PTPRE: variants seen among roughly 807,000 people sequenced by gnomAD.
PTPRE encodes the protein receptor-type tyrosine-protein phosphatase epsilon.
Under a neutral mutation model 102.0 loss-of-function variants are expected in PTPRE, and 51 were observed. The observed-to-expected ratio is 0.50, with a 90% CI of 0.40 to 0.63. PTPRE has a LOEUF of 0.63. PTPRE is among the 30% of genes least tolerant of loss of function. The pLI is 0.00. For synonymous variants in PTPRE, 345 were observed against 348.2 expected, an observed-to-expected ratio of 0.99 and a Z score of 0.10; for missense variants, 752 against 915.1, an observed-to-expected ratio of 0.82 and a Z score of 2.30.
chr10:128,045,896 AGCCAGGCT>A (rs552118667), intron 3 of PTPRE, among the ~76,000 whole-genome samples: 143 of 152,294 alleles, frequency 9.4e-4, no homozygotes, highest in African/African-American at 3.2e-3. Flanking sequence ...TGCAGAGGAC[AGCCAGGCT>A]GCCAGGCTAC....
intron 2 of PTPRE, among the ~76,000 whole-genome samples, chr10:128,026,868 T>C (rs2135720032): frequency 6.6e-6 from 1 of 152,374 alleles, no homozygotes; most frequent in East Asian, 1.9e-4. Context: ...ATTCTTTAAA[T>C]CTTTCATCCA....
intron 6 of PTPRE, among the ~76,000 whole-genome samples, chr10:128,054,820 G>A (rs1313093461): frequency 6.6e-6 from 1 of 152,126 alleles, no homozygotes; most frequent in African/African-American, 2.4e-5. Flanking sequence ...GCCCAGGCCT[G>A]CACGGCTTGG....
intron 17 of PTPRE, among the ~76,000 whole-genome samples, chr10:128,075,994 C>CT (rs1213367422): frequency 6.6e-6 from 1 of 152,156 alleles, no homozygotes; most frequent in Non-Finnish European, 1.5e-5. Flanking sequence ...TGTGGCGTGT[C>CT]TTTTCACTCT....
chr10:128,030,253 A>C (rs1019779075), intron 2 of PTPRE, among the ~76,000 whole-genome samples: 12 of 152,224 alleles, frequency 7.9e-5, no homozygotes, highest in Admixed American at 7.2e-4. Flanking sequence ...CCGTTACAAT[A>C]ACCAGCCCTT....
At chr10:127,943,275 G>A (rs1848380597) in intron 1 of PTPRE, among the ~76,000 whole-genome samples, 1 of 152,172 alleles carries the variant, frequency 6.6e-6, no homozygotes, top group East Asian at 1.9e-4. Flanking sequence ...ATTGTTTCAA[G>A]ATGATTTTTA....
chr10:127,912,021 C>A (rs190693702), intron 1 of PTPRE, among the ~76,000 whole-genome samples: 1 of 152,200 alleles, frequency 6.6e-6, no homozygotes, highest in African/African-American at 2.4e-5. Context: ...CGGGGTCGTT[C>A]GCTGCTGGAT....
At chr10:128,043,215 T>C (rs1022176240) in intron 3 of PTPRE, among the ~76,000 whole-genome samples, 31 of 152,212 alleles carry the variant, frequency 2.0e-4, no homozygotes, top group African/African-American at 7.2e-4. Context: ...CATTGTAACA[T>C]ATAATGAAAT....
In PTPRE at chr10:127,907,728, GC is replaced by G. The variant is rs977676620; in HGVS notation, c.-31+420del. On this transcript the variant is annotated intron_variant, in intron 1 of 20. Transcript: ENST00000254667. This position sits in a 1 kb window ranked among gnomAD's most constrained non-coding sequence, Gnocchi z 4.8. ...GGGCTGCGCCCACTCGAGGCTGGAGGCTGGAGCCTTTGAAGAAAGTGGCTCG... is the reference window on the plus strand; with the variant it reads ...GGGCTGCGCCCACTCGAGGCTGGAGGTGGAGCCTTTGAAGAAAGTGGCTCG... Among the ~76,000 whole-genome samples, 1 of 152,162 alleles carries G rather than the reference GC, an allele frequency of 6.6e-6. No homozygotes were observed. The highest frequency in any genetic ancestry group is 1.5e-5 in the Non-Finnish European group (1 of 68,018).
At chr10:128,017,041 G>A (rs144870596) in intron 2 of PTPRE, among the ~76,000 whole-genome samples, 77 of 152,300 alleles carry the variant, frequency 5.1e-4, no homozygotes, top group African/African-American at 1.8e-3. Flanking sequence ...TCATGCACAC[G>A]CATTGAGCAC....
chr10:127,941,720 G>A (rs1361944000), intron 1 of PTPRE, among the ~76,000 whole-genome samples: 2 of 152,108 alleles, frequency 1.3e-5, no homozygotes, highest in African/African-American at 4.8e-5. Context: ...TTTACTTCCA[G>A]ATCTCCATTC....
At chr10:127,968,938 A>T (rs1386480403) in intron 1 of PTPRE, among the ~76,000 whole-genome samples, 2 of 152,242 alleles carry the variant, frequency 1.3e-5, no homozygotes, top group African/African-American at 4.8e-5. Flanking sequence ...AGTCTGATTC[A>T]AAGAATGTCC....
At chr10:128,073,201 A>G (rs575949208) in intron 16 of PTPRE, 136 bp from the exon 17 acceptor site, 39 of 1,229,642 alleles carry the variant, frequency 3.2e-5, no homozygotes, top group South Asian at 1.2e-4. Context: ...GCTCGTGCCA[A>G]CTGGGGTCTG....
chr10:127,998,589 T>G (rs1418799303), intron 2 of PTPRE: 1 of 152,174 alleles, frequency 6.6e-6, no homozygotes, highest in Non-Finnish European at 1.5e-5. Context: ...ATTCTTGGGA[T>G]GAATGAAAGT....
chr10:128,066,017 A>G lies in PTPRE; in HGVS notation c.724-58A>G, dbSNP rs2298198. ...AGGCCTTCTGTAGTTGGGTGGGGGG[A>G]TGTCATGATGCATTGCACCCACAGA... On this transcript the variant is annotated intron_variant, in intron 10 of 20. Coordinates refer to ENST00000254667, the MANE Select transcript of PTPRE (RefSeq NM_006504.6). 7,560 of 1,612,834 alleles carry G rather than the reference A, an allele frequency of 4.7e-3. 532 individuals are homozygous for G. In the East Asian group the frequency reaches 0.14, roughly 30 times the overall value.
intron 1 of PTPRE, among the ~76,000 whole-genome samples, chr10:127,933,510 G>C (rs1160128720): frequency 6.6e-6 from 1 of 152,126 alleles, no homozygotes; most frequent in Non-Finnish European, 1.5e-5. Context: ...ATGAGGAACT[G>C]TTTACACCAT....
intron 2 of PTPRE, among the ~76,000 whole-genome samples, chr10:128,009,324 C>G (rs1589991509): frequency 6.6e-6 from 1 of 152,206 alleles, no homozygotes; most frequent in Admixed American, 6.5e-5. Flanking sequence ...GTTTACATTC[C>G]AGAAAAGGGT....
chr10:127,925,172 T>C (rs996594741), intron 1 of PTPRE, among the ~76,000 whole-genome samples: 1 of 152,234 alleles, frequency 6.6e-6, no homozygotes, highest in Admixed American at 6.5e-5. Context: ...CCTTGCCAGA[T>C]GGACCTATCC....
chr10:127,927,102 G>A (rs952431419), intron 1 of PTPRE, among the ~76,000 whole-genome samples: 15 of 152,030 alleles, frequency 9.9e-5, no homozygotes, highest in African/African-American at 2.2e-4. Flanking sequence ...GAGCCACTGC[G>A]CCAGGTCTCT....
chr10:128,068,291 G>T lies in PTPRE; in HGVS notation c.1007+5G>T, dbSNP rs1311175555. 1.2e-6 allele frequency: 2 copies of T among 1,609,258 alleles called. No homozygotes were observed. The highest frequency in any genetic ancestry group is 1.7e-6 in the Non-Finnish European group (2 of 1,176,734). ...GCCCATCGTGGTCCACTGTAGGTAC[G>T]CTGTGGGGGCCACGGGGCGGGACCC... On this transcript the variant is annotated splice_donor_5th_base_variant and intron_variant, in intron 12 of 20. Transcript: ENST00000254667.
Sources: allele counts gnomAD v4.1 joint callset (sites outside exome capture counted in the v4.1 genomes callset), GRCh38; gene constraint gnomAD v4.1.1; non-coding constraint Gnocchi (gnomAD v3.1); transcripts MANE v1.5; gene names NCBI Gene and HGNC (gene_info 2026-07-23, HGNC 2026-07-21).